The following CFI variants were observed in gnomAD, a reference collection of about 807,000 sequenced individuals.
CFI encodes the protein complement factor I.
A neutral mutation model predicts 78.8 loss-of-function variants in CFI; 66 were observed. The observed-to-expected ratio is 0.84, with a 90% CI of 0.69 to 1.03. The LOEUF (loss-of-function observed/expected upper bound fraction) is 1.03. Among genes scored for constraint, CFI ranks in the 50% least tolerant of loss-of-function variants. The pLI, the probability that CFI is intolerant of heterozygous loss-of-function variation, is 0.00. For synonymous variants in CFI, 250 were observed against 232.6 expected, an observed-to-expected ratio of 1.07 and a Z score of -0.68; for missense variants, 706 against 704.5, an observed-to-expected ratio of 1.00 and a Z score of -0.02.
At chr4:109,760,240 A>G (rs1393218503) in intron 6 of CFI, 30 bp downstream of exon 6, 1 of 1,512,298 alleles carries the variant, frequency 6.6e-7, no homozygotes, top group East Asian at 2.3e-5. Context: ...TTCAATAATG[A>G]AAAAAAGTCA....
At chr4:109,770,585 C>T (rs1437748027) in intron 1 of CFI, among the ~76,000 whole-genome samples, 9 of 147,404 alleles carry the variant, frequency 6.1e-5, no homozygotes, top group African/African-American at 2.3e-4. Context: ...AAAAAGAAAC[C>T]GCTTTACTGG....
At chr4:109,798,567 C>T (rs1429468994) in intron 1 of CFI, among the ~76,000 whole-genome samples, 1 of 150,556 alleles carries the variant, frequency 6.6e-6, no homozygotes, top group Non-Finnish European at 1.5e-5. Flanking sequence ...GTTTGTGGTT[C>T]TTCTGGAACA....
chr4:109,761,534 C>G lies in CFI; in HGVS notation c.641G>C (p.Cys214Ser). The G allele has an allele frequency of 6.2e-7, 1 of 1,614,112 alleles. No homozygotes were observed. Among genetic ancestry groups the G allele is most frequent in the Non-Finnish European group, 8.5e-7 (1 of 1,180,002 alleles). Residue 214 changes from cysteine to serine, a missense_variant, in exon 4 of 13, where the codon TGT becomes TCT. Transcript: ENST00000394634. ...MGYQDFADVV[C>S]YTQKADSPMD... is the part of the protein sequence containing the mutation. ...CCACCAACCTGCTTTCTGTGTATAA[C>G]AAACCACATCAGCGAAATCCTGGTA...
intron 8 of CFI, among the ~76,000 whole-genome samples, chr4:109,750,002 T>C (rs552394915): frequency 6.6e-5 from 10 of 152,154 alleles, no homozygotes; most frequent in African/African-American, 2.4e-4. Context: ...TTTTCTTTCT[T>C]TCTTTTTTTT....
chr4:109,774,860 T>G (rs1037562361), intron 1 of CFI, among the ~76,000 whole-genome samples: 1 of 152,202 alleles, frequency 6.6e-6, no homozygotes, highest in African/African-American at 2.4e-5. Flanking sequence ...TTTGTTCTTA[T>G]TTCTCTAGTT....
At chr4:109,777,992 G>A (rs1729494269) in intron 1 of CFI, among the ~76,000 whole-genome samples, 1 of 151,348 alleles carries the variant, frequency 6.6e-6, no homozygotes, top group African/African-American at 2.4e-5. Context: ...AGTGTGTAGA[G>A]CGAAATTTAT....
intron 10 of CFI, 30 bp from the exon 11 acceptor site, chr4:109,746,532 A>T: frequency 6.6e-7 from 1 of 1,504,712 alleles, no homozygotes; most frequent in Non-Finnish European, 9.0e-7. Context: ...GAAATAAAAT[A>T]TATTGAGAAA....
the CFI span, among the ~76,000 whole-genome samples, chr4:109,731,079 G>A: frequency 6.6e-6 from 1 of 152,142 alleles, no homozygotes; most frequent in South Asian, 2.1e-4. Flanking sequence ...CAGACCAAGC[G>A]CGGTGGTTTA....
intron 7 of CFI, among the ~76,000 whole-genome samples, chr4:109,754,471 A>T (rs1267120476): frequency 6.7e-6 from 1 of 149,748 alleles, no homozygotes; most frequent in Non-Finnish European, 1.5e-5. Flanking sequence ...AAGTTATACC[A>T]GATGTTTTCA....
At chr4:109,744,599 T>C (rs907551060) in intron 11 of CFI, among the ~76,000 whole-genome samples, 3 of 152,152 alleles carry the variant, frequency 2.0e-5, no homozygotes, top group Non-Finnish European at 2.9e-5. Context: ...TTTTTCTCCA[T>C]CTAGTAACTT....
chr4:109,793,197 T>C (rs986187625), intron 1 of CFI, among the ~76,000 whole-genome samples: 1 of 152,238 alleles, frequency 6.6e-6, no homozygotes, highest in African/African-American at 2.4e-5. Context: ...AGTAATCTAG[T>C]TTGAATTGAT....
At chr4:109,762,950 C>G (rs1028475907) in intron 3 of CFI, among the ~76,000 whole-genome samples, 1 of 152,090 alleles carries the variant, frequency 6.6e-6, no homozygotes, top group African/African-American at 2.4e-5. Flanking sequence ...TAGGTTGAAC[C>G]ATAAGTTGTA....
intron 11 of CFI, among the ~76,000 whole-genome samples, chr4:109,744,575 G>T (rs75128279): frequency 6.6e-6 from 1 of 152,212 alleles, no homozygotes; most frequent in East Asian, 1.9e-4. Flanking sequence ...AAGGCAGCCT[G>T]CTCTACCTGA....
intron 1 of CFI, among the ~76,000 whole-genome samples, chr4:109,798,789 CA>C (rs139653689): frequency 0.011 from 1,716 of 151,764 alleles, 19 homozygotes; most frequent in African/African-American, 0.04. Context: ...CTACTTTTGG[CA>C]AGTCTATTCT....
Position 109,781,888 on chromosome 4 carries a change from A to G in CFI, c.58-15064T>C, listed in dbSNP as rs548064589. Reference sequence around the variant, plus strand: ...GTCAATAAATGTGATACACAACATAAGCAGAATGAAAAACCAAAGTCACAT... The same window carrying G: ...GTCAATAAATGTGATACACAACATAGGCAGAATGAAAAACCAAAGTCACAT... On this transcript the variant is annotated intron_variant, in intron 1 of 12. Transcript: ENST00000394634. Among the ~76,000 whole-genome samples the G allele has an allele frequency of 2.0e-5, 3 of 152,294 alleles. No homozygotes were observed. In the East Asian group the frequency reaches 5.8e-4, roughly 29 times the overall value.
chr4:109,742,456 A>T (rs566298616), intron 12 of CFI, 35 bp downstream of exon 12: 5 of 1,332,106 alleles, frequency 3.8e-6, no homozygotes, highest in Admixed American at 3.4e-5. Context: ...AAATACATAC[A>T]TCTTGACATC....
At chr4:109,785,474 C>A (rs1239148916) in intron 1 of CFI, among the ~76,000 whole-genome samples, 1 of 151,862 alleles carries the variant, frequency 6.6e-6, no homozygotes, top group Non-Finnish European at 1.5e-5. Context: ...ATATTAGGAG[C>A]ACATATTCAG....
At chr4:109,783,329 T>C (rs1730299674) in intron 1 of CFI, among the ~76,000 whole-genome samples, 1 of 151,290 alleles carries the variant, frequency 6.6e-6, no homozygotes, top group African/African-American at 2.4e-5. Flanking sequence ...TACAAATCAG[T>C]AAGAAAAAAC....
At chr4:109,736,790 T>G (rs1723395745), downstream of CFI, among the ~76,000 whole-genome samples, 1 of 152,182 alleles carries the variant, frequency 6.6e-6, no homozygotes, top group South Asian at 2.1e-4. Flanking sequence ...AACCTCTGGT[T>G]GATTTTCAGC....
Sources: gnomAD v4.1 joint callset for allele counts (sites outside exome capture counted in the v4.1 genomes callset) on GRCh38, gnomAD v4.1.1 for gene constraint, MANE v1.5 for transcripts, NCBI Gene and HGNC (gene_info 2026-07-23, HGNC 2026-07-21) for gene names.